CHST11: variants seen among roughly 807,000 people sequenced by gnomAD.
The protein encoded by CHST11 is C4S-1.
In CHST11, 9 loss-of-function variants were observed where a neutral mutation model predicts 30.4. The ratio of observed to expected loss-of-function variants is 0.30; its 90% CI spans 0.18 to 0.52. The LOEUF is 0.52. Ranked by LOEUF, CHST11 falls within the 20% of genes least tolerant of loss-of-function variation. The probability of loss-of-function intolerance (pLI) is 0.97; values close to 1 mark genes in which losing one functional copy is unlikely to be tolerated. For missense variants in CHST11, 348 were observed against 460.6 expected (o/e 0.76, Z 2.24); for synonymous variants, 152 against 187.8 (o/e 0.81, Z 1.56).
intron 2 of CHST11, among the ~76,000 whole-genome samples, chr12:104,671,565 G>A (rs761766909): frequency 1.2e-4 from 18 of 152,128 alleles, no homozygotes; most frequent in Non-Finnish European, 2.2e-4. Flanking sequence ...CACAGGTTTC[G>A]CAGCAAACGG....
At chr12:104,745,803 T>C (rs1238648241) in intron 2 of CHST11, among the ~76,000 whole-genome samples, 2 of 152,210 alleles carry the variant, frequency 1.3e-5, no homozygotes, top group African/African-American at 4.8e-5. Context: ...CCTGAGACTT[T>C]GCTGAAGTTG....
intron 1 of CHST11, among the ~76,000 whole-genome samples, chr12:104,544,055 T>C (rs2038311263): frequency 2.0e-5 from 3 of 150,720 alleles, no homozygotes; most frequent in South Asian, 4.2e-4. Context: ...GCCCAGGAGT[T>C]TGAGGCTGCA....
intron 1 of CHST11, among the ~76,000 whole-genome samples, chr12:104,564,658 GC>G: frequency 6.6e-6 from 1 of 152,154 alleles, no homozygotes; most frequent in Non-Finnish European, 1.5e-5. Context: ...CCCCAAGTCT[GC>G]CTAAGGATAG....
Position 104,554,499 on chromosome 12 carries a change from G to T in CHST11, c.119-47407G>T, listed in dbSNP as rs561213779. Among the ~76,000 whole-genome samples the T allele has an allele frequency of 2.0e-5, 3 of 152,312 alleles. No homozygotes were observed. In the South Asian group the frequency reaches 6.2e-4, roughly 32 times the overall value. ...TTACTGCTCCTGGTGATGATTCAGG[G>T]TATGTTCCTTGCTCTGGGCTTCCAT... On this transcript the variant is annotated intron_variant, in intron 1 of 2. Transcript: ENST00000303694.
chr12:104,625,770 A>G (rs2039208569), intron 2 of CHST11, among the ~76,000 whole-genome samples: 3 of 152,220 alleles, frequency 2.0e-5, no homozygotes, highest in Admixed American at 2.0e-4. Flanking sequence ...CAGAGTGAGC[A>G]CTACTAAATC....
At chr12:104,472,471 G>A (rs1460449508) in intron 1 of CHST11, among the ~76,000 whole-genome samples, 2 of 151,870 alleles carry the variant, frequency 1.3e-5, no homozygotes, top group Non-Finnish European at 2.9e-5. Context: ...TTAATCAGTC[G>A]CTATCTGAAG....
At chr12:104,744,895 A>G (rs1214839722) in intron 2 of CHST11, among the ~76,000 whole-genome samples, 10 of 148,938 alleles carry the variant, frequency 6.7e-5, no homozygotes, top group Admixed American at 4.0e-4. Flanking sequence ...ATTTTTTGAG[A>G]CAGAGTCTTG....
chr12:104,477,706 T>C (rs955859116), intron 1 of CHST11, among the ~76,000 whole-genome samples: 2 of 152,196 alleles, frequency 1.3e-5, no homozygotes, highest in African/African-American at 4.8e-5. Flanking sequence ...TCTTGGACTT[T>C]CCAGCCTCCA....
At chr12:104,493,975 C>G (rs115421003) in intron 1 of CHST11, among the ~76,000 whole-genome samples, 6,392 of 152,214 alleles carry the variant, frequency 0.042, 436 homozygotes, top group African/African-American at 0.15. Flanking sequence ...ACACACACAC[C>G]ACCATGCCTG....
At position 104,757,929 on chromosome 12, in the gene CHST11, T is replaced by TC; in HGVS notation, c.*126_*127insC. On this transcript the variant is annotated 3_prime_UTR_variant, in exon 3 of 3. Coordinates refer to ENST00000303694, the MANE Select transcript of CHST11 (RefSeq NM_018413.6). This position sits in a 1 kb window ranked among gnomAD's most constrained non-coding sequence, Gnocchi z 6.5. ...TTTGGGGATGATGCTGCGAGCAGCATAGTGAGAATTATTTAAAATCCTTCG... is the reference window on the plus strand; with the variant it reads ...TTTGGGGATGATGCTGCGAGCAGCATCAGTGAGAATTATTTAAAATCCTTCG... The TC allele has an allele frequency of 6.8e-6, 7 of 1,033,050 alleles. No individual in the cohort carries two copies. The highest frequency in any genetic ancestry group is 3.1e-4 in the Middle Eastern group (1 of 3,178). 64.0% of individuals were successfully genotyped at this position (1,033,050 alleles called of 1,614,324 possible).
At chr12:104,731,685 C>T (rs2040259831) in intron 2 of CHST11, among the ~76,000 whole-genome samples, 1 of 152,248 alleles carries the variant, frequency 6.6e-6, no homozygotes, top group African/African-American at 2.4e-5. Context: ...TGAGCATGTC[C>T]ACCTCTCAGG....
intron 2 of CHST11, among the ~76,000 whole-genome samples, chr12:104,735,891 C>G (rs1410127288): frequency 3.3e-5 from 5 of 152,084 alleles, no homozygotes; most frequent in African/African-American, 1.2e-4. Flanking sequence ...CTGGAGGGGA[C>G]CCAGGCTTGG....
intron 2 of CHST11, among the ~76,000 whole-genome samples, chr12:104,726,065 G>A (rs140474069): frequency 1.6e-4 from 24 of 152,314 alleles, no homozygotes; most frequent in South Asian, 8.3e-4. Flanking sequence ...GGCCTATGGT[G>A]AATAGGCCTG....
intron 1 of CHST11, among the ~76,000 whole-genome samples, chr12:104,502,312 G>T (rs2037860483): frequency 6.6e-6 from 1 of 152,182 alleles, no homozygotes; most frequent in South Asian, 2.1e-4. Context: ...CACCCAAAGT[G>T]CTGGGATTAT....
At chr12:104,621,354 A>G (rs1472922954) in intron 2 of CHST11, among the ~76,000 whole-genome samples, 1 of 152,216 alleles carries the variant, frequency 6.6e-6, no homozygotes, top group African/African-American at 2.4e-5. Context: ...AGACCTTGCC[A>G]TTGGCCCAGG....
At chr12:104,640,279 A>G (rs35074703) in intron 2 of CHST11, among the ~76,000 whole-genome samples, 26,299 of 152,194 alleles carry the variant, frequency 0.17, 3,095 homozygotes, top group African/African-American at 0.33. Context: ...CTGCACACAA[A>G]TGTTTATGGC....
intron 2 of CHST11, among the ~76,000 whole-genome samples, chr12:104,657,571 T>C (rs563738909): frequency 3.3e-5 from 5 of 152,298 alleles, no homozygotes; most frequent in African/African-American, 9.6e-5. Flanking sequence ...TCCCATGTTT[T>C]TTCTCTGAAG....
intron 2 of CHST11, among the ~76,000 whole-genome samples, chr12:104,747,947 T>G (rs573004013): frequency 1.3e-5 from 2 of 152,326 alleles, no homozygotes; most frequent in Non-Finnish European, 2.9e-5. Context: ...TAGTAAAATT[T>G]TAAAGACTTT....
chr12:104,461,490 A>T (rs936931341), intron 1 of CHST11, among the ~76,000 whole-genome samples: 6 of 152,228 alleles, frequency 3.9e-5, no homozygotes, highest in African/African-American at 1.4e-4. Context: ...TGTGTCATGC[A>T]GTGCAAAGCT....
Sources: allele counts gnomAD v4.1 joint callset (sites outside exome capture counted in the v4.1 genomes callset), GRCh38; gene constraint gnomAD v4.1.1; non-coding constraint Gnocchi (gnomAD v3.1); transcripts MANE v1.5; gene names NCBI Gene and HGNC (gene_info 2026-07-23, HGNC 2026-07-21).